The following FREM3 variants were observed in gnomAD, a reference collection of about 807,000 sequenced individuals.
FREM3 encodes the protein FRAS1 related extracellular matrix 3.
FREM3 carries 105 observed loss-of-function variants against 129.1 expected under a neutral mutation model. The observed-to-expected ratio is 0.81, with a 90% CI of 0.69 to 0.96. FREM3 has a LOEUF of 0.96. Ranked by LOEUF, FREM3 falls within the 40% of genes least tolerant of loss-of-function variation. FREM3 has a pLI of 0.00. For synonymous variants in FREM3, 1,014 were observed against 1,044.9 expected (o/e 0.97, Z 0.57); for missense variants, 2,593 against 2,666.3 (o/e 0.97, Z 0.61).
At chr4:143,651,494 G>A (rs1739509037) in intron 2 of FREM3, among the ~76,000 whole-genome samples, 1 of 152,222 alleles carries the variant, frequency 6.6e-6, no homozygotes, top group South Asian at 2.1e-4. Flanking sequence ...TGGGGACATG[G>A]AAATGCACAC....
At chr4:143,666,462 G>A (rs1396675861) in intron 2 of FREM3, among the ~76,000 whole-genome samples, 3 of 152,058 alleles carry the variant, frequency 2.0e-5, no homozygotes, top group African/African-American at 7.2e-5. Flanking sequence ...TTTCACAATA[G>A]CCAAAAGGTG....
intron 2 of FREM3, among the ~76,000 whole-genome samples, chr4:143,691,008 T>C (rs893750813): frequency 2.6e-5 from 4 of 152,158 alleles, no homozygotes; most frequent in Non-Finnish European, 5.9e-5. Context: ...CTGGGCAACA[T>C]AGAGGAACCC....
chr4:143,582,364 C>T (rs1406761073), intron 7 of FREM3, among the ~76,000 whole-genome samples: 1 of 152,048 alleles, frequency 6.6e-6, no homozygotes, highest in Non-Finnish European at 1.5e-5. Context: ...GTTACACTTA[C>T]ACGCCATCTA....
chr4:143,594,838 A>G (rs569172699), intron 6 of FREM3, among the ~76,000 whole-genome samples: 1 of 152,366 alleles, frequency 6.6e-6, no homozygotes, highest in East Asian at 1.9e-4. Context: ...TCCATGTAGC[A>G]CAGAAGAGTT....
chr4:143,583,973 T>C (rs1305291957), intron 7 of FREM3, among the ~76,000 whole-genome samples: 1 of 152,178 alleles, frequency 6.6e-6, no homozygotes. Context: ...TAACCTTGAA[T>C]GAAAACAGGC....
chr4:143,627,390 G>T (rs1173764800), intron 3 of FREM3, among the ~76,000 whole-genome samples: 1 of 152,116 alleles, frequency 6.6e-6, no homozygotes, highest in African/African-American at 2.4e-5. Context: ...GATGTAACTT[G>T]CTAGAAAGAG....
intron 6 of FREM3, among the ~76,000 whole-genome samples, chr4:143,599,388 C>G (rs1738534560): frequency 6.6e-6 from 1 of 152,122 alleles, no homozygotes; most frequent in Non-Finnish European, 1.5e-5. Context: ...AGTATGGACA[C>G]TTGGGAAAGT....
chr4:143,627,460 G>A (rs1342993265), intron 3 of FREM3, among the ~76,000 whole-genome samples, 154 bp downstream of exon 3: 1 of 152,122 alleles, frequency 6.6e-6, no homozygotes, highest in East Asian at 1.9e-4. Context: ...CTCACATGGA[G>A]CAAAAACCAC....
At chr4:143,618,794 G>C (rs1012089036) in intron 5 of FREM3, among the ~76,000 whole-genome samples, 3 of 152,106 alleles carry the variant, frequency 2.0e-5, no homozygotes, top group African/African-American at 7.2e-5. Flanking sequence ...TACTCCAGAG[G>C]CTGAGGTGGA....
chr4:143,645,228 T>G (rs149788577), intron 2 of FREM3: 1 of 152,194 alleles, frequency 6.6e-6, no homozygotes, highest in Non-Finnish European at 1.5e-5. Flanking sequence ...TGGAACTGTT[T>G]CGTAGCTCTT....
Position 143,698,002 on chromosome 4 carries a change from G to T in FREM3, c.2674C>A (p.Gln892Lys). 1 of 1,537,402 alleles carries T rather than the reference G, an allele frequency of 6.5e-7. No individual in the cohort carries two copies. The part of the protein sequence containing the change: ...RCMVPGESFM[Q>K]ADVINGSVSY... ...ACACTCCCGTTAATAACATCAGCTT[G>T]CATGAAAGATTCCCCTGGGACCATA... is the stretch of plus-strand genomic sequence containing the variant. Residue 892 changes from glutamine to lysine, a missense_variant, in exon 1 of 8, where the codon CAA becomes AAA. This residue lies in a region of FREM3 where 2,276 missense variants were observed against 2,267.2 expected (regional missense o/e 1.00). Transcript: ENST00000329798.
rs1740632677 is a variant in FREM3 at position 143,698,845 on chromosome 4, C to A, written c.1831G>T (p.Gly611Trp). ...PGSSHSGHYLGDLLLQQAELP... is the reference protein window; with the variant it reads ...PGSSHSGHYLWDLLLQQAELP... The stretch of plus-strand genomic sequence containing the variant: ...TCAGCCTGCTGCAGCAACAGGTCCC[C>A]CAGGTAGTGGCCTGAGTGGGAGGAA... The change falls in exon 1 of 8, where the codon GGG (glycine) becomes TGG (tryptophan). Residue 611 changes from glycine to tryptophan, a missense_variant. By Grantham distance (184) the Gly-to-Trp change is radical. Transcript: ENST00000329798. The A allele has an allele frequency of 6.5e-7, 1 of 1,537,756 alleles. No individual in the cohort carries two copies.
chr4:143,630,525 T>G (rs1346173434), intron 2 of FREM3, among the ~76,000 whole-genome samples: 1 of 152,180 alleles, frequency 6.6e-6, no homozygotes, highest in Non-Finnish European at 1.5e-5. Context: ...TTTGTTGAAA[T>G]TTTAGTATGC....
chr4:143,620,546 C>T (rs1265892193), intron 5 of FREM3, among the ~76,000 whole-genome samples: 2 of 152,200 alleles, frequency 1.3e-5, no homozygotes, highest in East Asian at 1.9e-4. Flanking sequence ...GTTTTCGGTG[C>T]GAAGATGCCT....
At chr4:143,605,343 T>C (rs1474837702) in intron 6 of FREM3, among the ~76,000 whole-genome samples, 1 of 151,776 alleles carries the variant, frequency 6.6e-6, no homozygotes, top group Non-Finnish European at 1.5e-5. Flanking sequence ...ATTAAGGCTT[T>C]TACTTGTTTT....
intron 2 of FREM3, among the ~76,000 whole-genome samples, chr4:143,686,896 G>T (rs563232791): frequency 1.1e-3 from 172 of 152,028 alleles, no homozygotes; most frequent in Non-Finnish European, 1.9e-3. Flanking sequence ...ACAATCTAAG[G>T]TCACACCTTA....
chr4:143,637,149 G>A (rs866692640), intron 2 of FREM3, among the ~76,000 whole-genome samples: 1 of 152,160 alleles, frequency 6.6e-6, no homozygotes, highest in East Asian at 1.9e-4. Context: ...GTGTCAGTTA[G>A]TATCATTGTC....
intron 2 of FREM3, among the ~76,000 whole-genome samples, chr4:143,667,411 T>G (rs1739883690): frequency 6.6e-6 from 1 of 152,206 alleles, no homozygotes; most frequent in Non-Finnish European, 1.5e-5. Context: ...CATTTCATAT[T>G]AAATCAAACT....
Position 143,673,092 on chromosome 4 carries a change from C to T in FREM3, c.5275+20021G>A, listed in dbSNP as rs982368087. On this transcript the variant is annotated intron_variant, in intron 2 of 7. Transcript: ENST00000329798. ...CGTCTGAAGCCTTCTTCTCTCAACT[C>T]GTCAAAGTCATTCTCCATCCAGCTT... Among the ~76,000 whole-genome samples the T allele has an allele frequency of 1.8e-4, 28 of 152,350 alleles. No individual in the cohort carries two copies. The East Asian group carries it at 3.7e-3, about 20-fold the overall frequency.
Sources: gnomAD v4.1 joint callset for allele counts (sites outside exome capture counted in the v4.1 genomes callset) on GRCh38, gnomAD v4.1.1 for gene constraint, gnomAD v4.1.1 regional missense constraint, MANE v1.5 for transcripts, NCBI Gene and HGNC (gene_info 2026-07-23, HGNC 2026-07-21) for gene names.